Variants in DOK5 observed in about 807,000 individuals in gnomAD.
DOK5 encodes downstream of tyrosine kinase 5.
In DOK5, 27 loss-of-function variants were observed where a neutral mutation model predicts 43.3. The observed-to-expected ratio is 0.62, with a 90% confidence interval of 0.46 to 0.86. The LOEUF (loss-of-function observed/expected upper bound fraction) is 0.86. Ranked by LOEUF, DOK5 falls within the 40% of genes least tolerant of loss-of-function variation. The probability of loss-of-function intolerance (pLI) is 0.00; values close to 1 mark genes in which losing one functional copy is unlikely to be tolerated. For synonymous variants in DOK5, 146 were observed against 140.1 expected, an observed-to-expected ratio of 1.04 and a Z score of -0.30; for missense variants, 373 against 392.9, an observed-to-expected ratio of 0.95 and a Z score of 0.43.
intron 6 of DOK5, among the ~76,000 whole-genome samples, chr20:54,616,784 C>CTTTTTTTTTTTTTTTTTTTTTT (rs550110589): frequency 8.5e-5 from 9 of 105,736 alleles, no homozygotes; most frequent in Non-Finnish European, 1.3e-4. Context: ...TTTTTTTTTT[C>CTTTTTTTTTTTTTTTTTTTTTT]TTTTTTTTTT....
At position 54,634,151 on chromosome 20, in the gene DOK5, G is replaced by A. The variant is rs80003740; in HGVS notation, c.736-9307G>A. On this transcript the variant is annotated intron_variant, in intron 6 of 7. Transcript: ENST00000262593. ...TTTTCTTTTCTCAGTGACAAGCTATGCGCAGTGGTCCGGTCATTAGAATCT... is the reference window on the plus strand; with the variant it reads ...TTTTCTTTTCTCAGTGACAAGCTATACGCAGTGGTCCGGTCATTAGAATCT... Among the ~76,000 whole-genome samples the A allele has an allele frequency of 5.0e-3, 765 of 152,286 alleles. 5 individuals carry two copies. The highest frequency in any genetic ancestry group is 0.018 in the African/African-American group (734 of 41,550).
At chr20:54,624,282 T>A (rs1247553946) in intron 6 of DOK5, among the ~76,000 whole-genome samples, 1 of 152,214 alleles carries the variant, frequency 6.6e-6, no homozygotes, top group Non-Finnish European at 1.5e-5. Context: ...CTGCTTCCAC[T>A]GAGTGTGAGC....
chr20:54,612,761 G>T (rs1446449744), intron 6 of DOK5, among the ~76,000 whole-genome samples: 2 of 152,032 alleles, frequency 1.3e-5, no homozygotes, highest in African/African-American at 4.8e-5. Context: ...CTAATTTAGG[G>T]GTAGAAACAG....
At chr20:54,622,157 A>G (rs954216617) in intron 6 of DOK5, among the ~76,000 whole-genome samples, 2 of 151,996 alleles carry the variant, frequency 1.3e-5, no homozygotes, top group African/African-American at 2.4e-5. Flanking sequence ...TCACGCCATG[A>G]ACTCCAGCCT....
At chr20:54,624,805 T>A (rs1209248050) in intron 6 of DOK5, among the ~76,000 whole-genome samples, 2 of 152,206 alleles carry the variant, frequency 1.3e-5, no homozygotes. Flanking sequence ...ACCATTTGAG[T>A]GCATCTGGTG....
intron 6 of DOK5, among the ~76,000 whole-genome samples, chr20:54,615,141 A>G (rs990372471): frequency 6.6e-6 from 1 of 152,166 alleles, no homozygotes; most frequent in East Asian, 1.9e-4. Context: ...TACAGACAGA[A>G]TGTTGCACTG....
intron 1 of DOK5, among the ~76,000 whole-genome samples, chr20:54,525,541 G>T (rs2146700642): frequency 6.6e-6 from 1 of 152,278 alleles, no homozygotes; most frequent in East Asian, 1.9e-4. Context: ...AGGTAAGAAA[G>T]AATATGGAAA....
At chr20:54,615,404 C>T (rs148333640) in intron 6 of DOK5, among the ~76,000 whole-genome samples, 286 of 152,218 alleles carry the variant, frequency 1.9e-3, no homozygotes, top group Middle Eastern at 0.01. Flanking sequence ...GCGACAGTAT[C>T]CTGGTCTATC....
Position 54,581,618 on chromosome 20 carries a change from A to T in DOK5, c.175-6865A>T, listed in dbSNP as rs116537434. On this transcript the variant is annotated intron_variant, in intron 2 of 7. Coordinates refer to ENST00000262593, the MANE Select transcript of DOK5 (RefSeq NM_018431.5). The stretch of plus-strand genomic sequence containing the variant: ...ATATTTCATCCACTTGGTTATATTT[A>T]TTCCTAAATATTTTGGGTTTTTTGA... Among the ~76,000 whole-genome samples, 1,187 of 152,050 alleles carry T rather than the reference A, an allele frequency of 7.8e-3. 9 individuals carry two copies. The highest frequency in any genetic ancestry group is 0.027 in the African/African-American group (1,125 of 41,534).
chr20:54,479,628 A>C (rs1385695578), intron 1 of DOK5, among the ~76,000 whole-genome samples: 1 of 152,100 alleles, frequency 6.6e-6, no homozygotes, highest in East Asian at 1.9e-4. Context: ...ACTCGGGTTT[A>C]TTTATCTACG....
chr20:54,618,369 ACT>A (rs1986879986), intron 6 of DOK5, among the ~76,000 whole-genome samples: 1 of 146,308 alleles, frequency 6.8e-6, no homozygotes, highest in Non-Finnish European at 1.5e-5. Flanking sequence ...TTTGAGACAG[ACT>A]CTCACTCTGT....
Position 54,554,988 on chromosome 20 carries a change from G to A in DOK5, c.122G>A (p.Arg41Lys). The A allele has an allele frequency of 6.2e-7, 1 of 1,614,012 alleles. No individual in the cohort carries two copies. The highest frequency in any genetic ancestry group is 1.3e-5 in the African/African-American group (1 of 75,040). The stretch of plus-strand genomic sequence containing the variant: ...AAAGCTTCAAGCAAAGGTCCAAAAA[G>A]ACTGGAGAAATTTTCTGATGAACGT... The part of the protein sequence containing the change: ...FKKASSKGPK[R>K]LEKFSDERAA... Residue 41 changes from arginine (R) to lysine (K), a missense_variant, in exon 2 of 8, where the codon AGA becomes AAA. Transcript: ENST00000262593.
intron 6 of DOK5, among the ~76,000 whole-genome samples, chr20:54,642,339 C>T (rs1979159235): frequency 6.6e-6 from 1 of 152,042 alleles, no homozygotes; most frequent in South Asian, 2.1e-4. Flanking sequence ...GATTTGTCGA[C>T]AATACTTGTT....
At position 54,633,243 on chromosome 20, in the gene DOK5, G is replaced by A. The variant is rs1181086009; in HGVS notation, c.736-10215G>A. Among the ~76,000 whole-genome samples the A allele has an allele frequency of 2.0e-5, 3 of 152,128 alleles. No homozygotes were observed. The East Asian group carries it at 5.8e-4, about 29-fold the overall frequency. On this transcript the variant is annotated intron_variant, in intron 6 of 7. Transcript: ENST00000262593. ...ACCCAGGGCCCAGAAAGCATAGGGA[G>A]ATCATGTTTTCAAATATTATTTTCA... is the stretch of plus-strand genomic sequence containing the variant.
At chr20:54,485,117 G>A (rs146881693) in intron 1 of DOK5, among the ~76,000 whole-genome samples, 2,732 of 152,280 alleles carry the variant, frequency 0.018, 71 homozygotes, top group African/African-American at 0.058. Context: ...AGATCACAAG[G>A]TCGGGAGTTG....
intron 1 of DOK5, among the ~76,000 whole-genome samples, chr20:54,547,688 GC>G (rs1984394124): frequency 6.6e-6 from 1 of 152,128 alleles, no homozygotes; most frequent in Non-Finnish European, 1.5e-5. Flanking sequence ...ACAATTTAAG[GC>G]TGAAAATTAG....
chr20:54,532,587 G>A (rs1021717570), intron 1 of DOK5, among the ~76,000 whole-genome samples: 4 of 152,188 alleles, frequency 2.6e-5, no homozygotes, highest in African/African-American at 7.2e-5. Flanking sequence ...TTCACAGCTT[G>A]GCACAAGTCT....
chr20:54,475,969 T>C lies in DOK5; in HGVS notation c.23T>C (p.Ile8Thr), dbSNP rs770408047. ...GGGATGGCTTCCAATTTTAATGACATAGTGAAGCAAGGGTACGTGAGGATC... is the reference window on the plus strand; with the variant it reads ...GGGATGGCTTCCAATTTTAATGACACAGTGAAGCAAGGGTACGTGAGGATC... MASNFND[I>T]VKQGYVRIRS... is the part of the protein sequence containing the mutation. The change falls in exon 1 of 8, where the codon ATA becomes ACA. Residue 8 changes from isoleucine to threonine, a missense_variant. Physicochemically the swap from Ile to Thr is moderately conservative, Grantham distance 89. Transcript: ENST00000262593. This position sits in a 1 kb window ranked among gnomAD's most constrained non-coding sequence, Gnocchi z 4.2. The C allele has an allele frequency of 1.1e-5, 17 of 1,613,254 alleles. 1 individual carries two copies. In the South Asian group the frequency reaches 1.9e-4, roughly 18 times the overall value.
intron 2 of DOK5, among the ~76,000 whole-genome samples, chr20:54,572,971 G>GT (rs1414101434): frequency 1.3e-5 from 2 of 152,198 alleles, no homozygotes; most frequent in African/African-American, 2.4e-5. Context: ...ATAAAGCATG[G>GT]TTTTTGGCAA....
Sources: allele counts gnomAD v4.1 joint callset (sites outside exome capture counted in the v4.1 genomes callset), GRCh38; gene constraint gnomAD v4.1.1; non-coding constraint Gnocchi (gnomAD v3.1); transcripts MANE v1.5; gene names NCBI Gene and HGNC (gene_info 2026-07-23, HGNC 2026-07-21).